Variants in GALNT13 observed in about 807,000 individuals in gnomAD.
GALNT13 encodes the protein UDP-GalNAc:polypeptide N-acetylgalactosaminyltransferase 13.
In GALNT13, 28 loss-of-function variants were observed where a neutral mutation model predicts 64.2. The ratio of observed to expected loss-of-function variants is 0.44; its 90% confidence interval spans 0.32 to 0.60. The LOEUF (loss-of-function observed/expected upper bound fraction) is 0.60, where lower values mean the gene tolerates loss of function less well. GALNT13 is among the 20% of genes least tolerant of loss of function. The pLI is 0.05. For synonymous variants in GALNT13, 214 were observed against 224.6 expected (o/e 0.95, Z 0.42); for missense variants, 577 against 669.8 (o/e 0.86, Z 1.53).
the GALNT13 span, among the ~76,000 whole-genome samples, chr2:153,228,522 G>C: frequency 6.6e-6 from 1 of 151,952 alleles, no homozygotes; most frequent in Non-Finnish European, 1.5e-5. Context: ...TTTGTATTGA[G>C]GCAGAAAAAT....
At chr2:153,587,416 G>C in the GALNT13 span, among the ~76,000 whole-genome samples, 1 of 152,116 alleles carries the variant, frequency 6.6e-6, no homozygotes, top group Non-Finnish European at 1.5e-5. Flanking sequence ...ACAAAAGAAA[G>C]AGGTTTAATA....
the GALNT13 span, among the ~76,000 whole-genome samples, chr2:153,691,209 C>T: frequency 6.6e-6 from 1 of 151,996 alleles, no homozygotes; most frequent in African/African-American, 2.4e-5. Context: ...GCAAGTAAGT[C>T]AGAGACAAAA....
chr2:153,099,257 G>A, the GALNT13 span, among the ~76,000 whole-genome samples: 7 of 152,148 alleles, frequency 4.6e-5, no homozygotes, highest in African/African-American at 7.2e-5. Context: ...AAGTGATCAC[G>A]TTGGGTGTAA....
intron 4 of GALNT13, among the ~76,000 whole-genome samples, chr2:154,217,074 G>A (rs1188341103): frequency 6.6e-6 from 1 of 151,564 alleles, no homozygotes; most frequent in African/African-American, 2.4e-5. Flanking sequence ...ATAACAGGCT[G>A]AGCCACCTCA....
the GALNT13 span, among the ~76,000 whole-genome samples, chr2:153,759,704 ATTAGAT>A: frequency 6.6e-6 from 1 of 151,984 alleles, no homozygotes; most frequent in African/African-American, 2.4e-5. Flanking sequence ...TACACTGTTG[ATTAGAT>A]ATTGCTAACA....
chr2:154,291,804 C>A (rs777900450), intron 8 of GALNT13, among the ~76,000 whole-genome samples: 6 of 152,250 alleles, frequency 3.9e-5, no homozygotes, highest in Admixed American at 2.0e-4. Context: ...ACGCTGAGGC[C>A]GAGGCCGAGG....
the GALNT13 span, among the ~76,000 whole-genome samples, chr2:153,403,392 C>T: frequency 6.6e-6 from 1 of 152,116 alleles, no homozygotes; most frequent in Admixed American, 6.5e-5. Context: ...TTTGTCTGTG[C>T]CCTGCCCCCA....
At chr2:153,356,211 G>C in the GALNT13 span, among the ~76,000 whole-genome samples, 2 of 152,122 alleles carry the variant, frequency 1.3e-5, no homozygotes, top group African/African-American at 4.8e-5. Context: ...TCACCCCAAA[G>C]AAATTCAGAA....
the GALNT13 span, among the ~76,000 whole-genome samples, chr2:153,143,092 A>G: frequency 6.6e-6 from 1 of 151,908 alleles, no homozygotes; most frequent in Non-Finnish European, 1.5e-5. Context: ...AAAGTGTGCA[A>G]GTGATCCCAG....
chr2:153,179,595 GT>G, the GALNT13 span, among the ~76,000 whole-genome samples: 3 of 152,072 alleles, frequency 2.0e-5, no homozygotes, highest in African/African-American at 7.2e-5. Flanking sequence ...GAAAAATGAC[GT>G]TGAAATTTTG....
the GALNT13 span, among the ~76,000 whole-genome samples, chr2:153,518,766 G>T: frequency 1.3e-5 from 2 of 151,998 alleles, no homozygotes; most frequent in Non-Finnish European, 2.9e-5. Context: ...ATGTTTAGTG[G>T]GTTCCTAGAA....
intron 4 of GALNT13, among the ~76,000 whole-genome samples, chr2:154,152,321 C>T (rs1198021095): frequency 1.3e-5 from 2 of 152,040 alleles, no homozygotes; most frequent in African/African-American, 4.8e-5. Flanking sequence ...GATGGGCTTC[C>T]CTTTGTGGGT....
the GALNT13 span, among the ~76,000 whole-genome samples, chr2:153,245,046 C>G: frequency 6.6e-6 from 1 of 152,232 alleles, no homozygotes; most frequent in Non-Finnish European, 1.5e-5. Context: ...GGCAAAGCCG[C>G]TGTGACCAGA....
At chr2:153,908,178 G>A (rs1338564184) in intron 2 of GALNT13, among the ~76,000 whole-genome samples, 1 of 151,868 alleles carries the variant, frequency 6.6e-6, no homozygotes, top group African/African-American at 2.4e-5. Flanking sequence ...GCTTTTTCAT[G>A]TGATTGTTTG....
In GALNT13 at chr2:154,248,353, T is replaced by C. The variant is rs534390268; in HGVS notation, c.857+2371T>C. On this transcript the variant is annotated intron_variant, in intron 7 of 12. Coordinates refer to ENST00000392825, the MANE Select transcript of GALNT13 (RefSeq NM_052917.4). ...TGTGAAATACTTGTTAATTTTCATA[T>C]TATAACTATGGAATAATATACATAA... 2.0e-5 allele frequency among the ~76,000 whole-genome samples: 3 copies of C among 152,228 alleles called. No homozygotes were observed. In the South Asian group the frequency reaches 6.2e-4, roughly 31 times the overall value.
the GALNT13 span, among the ~76,000 whole-genome samples, chr2:153,744,942 G>A: frequency 5.9e-5 from 9 of 152,160 alleles, no homozygotes; most frequent in Non-Finnish European, 1.0e-4. Context: ...GGCCTGGTGA[G>A]GAGTGAGTGA....
the GALNT13 span, among the ~76,000 whole-genome samples, chr2:153,504,418 A>G: frequency 3.3e-5 from 5 of 152,188 alleles, no homozygotes; most frequent in African/African-American, 9.6e-5. Context: ...CTCCAGTACT[A>G]TCTTGAATAG....
chr2:153,082,610 TATATATATACACACACACAC>T, the GALNT13 span, among the ~76,000 whole-genome samples: 542 of 43,292 alleles, frequency 0.013, 5 homozygotes, highest in Admixed American at 0.063. Flanking sequence ...TATATATATA[TATATATATACACACACACAC>T]ACACACACAC....
At chr2:153,589,798 C>T in the GALNT13 span, among the ~76,000 whole-genome samples, 1 of 152,112 alleles carries the variant, frequency 6.6e-6, no homozygotes, top group East Asian at 1.9e-4. Flanking sequence ...AAGATTTGCC[C>T]CCATGATTCA....
Sources: gnomAD v4.1 joint callset for allele counts (sites outside exome capture counted in the v4.1 genomes callset) on GRCh38, gnomAD v4.1.1 for gene constraint, MANE v1.5 for transcripts, NCBI Gene and HGNC (gene_info 2026-07-23, HGNC 2026-07-21) for gene names.